SUSD1: variants seen among roughly 807,000 people sequenced by gnomAD.
SUSD1 encodes sushi domain containing 1, also known as sushi domain-containing protein 1.
A neutral mutation model predicts 86.9 loss-of-function variants in SUSD1; 65 were observed. The observed-to-expected ratio is 0.75, with a 90% CI of 0.61 to 0.92. The LOEUF is 0.92. Among genes scored for constraint, SUSD1 ranks in the 40% least tolerant of loss-of-function variants. The pLI is 0.00. For synonymous variants in SUSD1, 346 were observed against 350.0 expected, an observed-to-expected ratio of 0.99 and a Z score of 0.13; for missense variants, 850 against 929.7, an observed-to-expected ratio of 0.91 and a Z score of 1.11.
intron 1 of SUSD1, among the ~76,000 whole-genome samples, chr9:112,170,193 T>C (rs1833979933): frequency 6.6e-6 from 1 of 152,174 alleles, no homozygotes; most frequent in Admixed American, 6.5e-5. Context: ...CCCTTTATTT[T>C]AAGTAACTTT....
chr9:112,079,887 C>T (rs532393359), intron 11 of SUSD1, among the ~76,000 whole-genome samples, 187 bp downstream of exon 11: 3 of 152,330 alleles, frequency 2.0e-5, no homozygotes, highest in Admixed American at 2.0e-4. Context: ...CAAATGTGAG[C>T]CACTGTGCCC....
In SUSD1 at chr9:112,149,175, A is replaced by G. The variant is rs1204764758; in HGVS notation, c.373+69T>C. On this transcript the variant is annotated intron_variant, in intron 3 of 16. Transcript: ENST00000374270. ...AACTAACATTAATTCCCTAATATTA[A>G]CAAATACACAGCCCAGATACTATCC... 3 of 1,568,638 alleles carry G rather than the reference A, an allele frequency of 1.9e-6. No individual in the cohort carries two copies. The East Asian group carries it at 6.8e-5, about 35-fold the overall frequency.
chr9:112,140,573 A>G (rs1832522328), intron 5 of SUSD1, among the ~76,000 whole-genome samples: 1 of 152,136 alleles, frequency 6.6e-6, no homozygotes, highest in Non-Finnish European at 1.5e-5. Flanking sequence ...AAAGAAACAG[A>G]AAGCCAAAAT....
intron 15 of SUSD1, among the ~76,000 whole-genome samples, chr9:112,042,499 ACTTTGAAAGACATACTTT>A (rs1175203045): frequency 1.3e-5 from 2 of 152,222 alleles, no homozygotes; most frequent in Admixed American, 1.3e-4. Flanking sequence ...GGATAAAAGT[ACTTTGAAAGACATACTTT>A]CTATTTGGGG....
At chr9:112,087,207 T>G (rs1830021428) in intron 10 of SUSD1, among the ~76,000 whole-genome samples, 1 of 152,206 alleles carries the variant, frequency 6.6e-6, no homozygotes, top group Non-Finnish European at 1.5e-5. Flanking sequence ...AGTCTCTTTC[T>G]GCTGCCCAGG....
chr9:112,146,338 C>G (rs974601857), intron 3 of SUSD1, among the ~76,000 whole-genome samples: 1 of 152,102 alleles, frequency 6.6e-6, no homozygotes, highest in Non-Finnish European at 1.5e-5. Context: ...GCTAGCACAA[C>G]TTTGTGAATA....
chr9:112,064,534 T>C (rs1828885761), intron 12 of SUSD1, among the ~76,000 whole-genome samples: 1 of 152,080 alleles, frequency 6.6e-6, no homozygotes, highest in Admixed American at 6.5e-5. Context: ...CACTTCCCCA[T>C]AGGTGGGGCA....
At chr9:112,092,648 C>T (rs904049939) in intron 10 of SUSD1, among the ~76,000 whole-genome samples, 1 of 152,090 alleles carries the variant, frequency 6.6e-6, no homozygotes, top group African/African-American at 2.4e-5. Context: ...AACCTATTAT[C>T]GTTTATTTTA....
At chr9:112,063,864 T>C (rs1828845660) in intron 12 of SUSD1, among the ~76,000 whole-genome samples, 1 of 152,096 alleles carries the variant, frequency 6.6e-6, no homozygotes, top group Non-Finnish European at 1.5e-5. Flanking sequence ...TGGATGATGT[T>C]TATAGAAGCA....
intron 10 of SUSD1, among the ~76,000 whole-genome samples, chr9:112,084,093 C>T (rs1315333405): frequency 6.6e-6 from 1 of 152,144 alleles, no homozygotes; most frequent in South Asian, 2.1e-4. Context: ...TTGGCAGCCA[C>T]CTGACTGACT....
chr9:112,131,224 G>A (rs867274411), intron 5 of SUSD1, among the ~76,000 whole-genome samples: 2 of 152,142 alleles, frequency 1.3e-5, no homozygotes, highest in Admixed American at 6.5e-5. Context: ...GTTTCACCAC[G>A]AAGGGCTCCA....
In SUSD1 at chr9:112,058,463, A is replaced by C. The variant is rs557863223; in HGVS notation, c.2074T>G (p.Cys692Gly). The change falls in exon 14 of 17, where the codon TGC becomes GGC. Residue 692 changes from cysteine to glycine, a missense_variant. Transcript: ENST00000374270. The stretch of plus-strand genomic sequence containing the variant: ...TCACTTGTGATTCGTAATATAATGC[A>C]GTAATCACTCCCTCTTTTCAAGGGT... ...NAPLKRGSDY[C>G]IILRITSEWN... 6.2e-7 allele frequency: 1 copy of C among 1,614,154 alleles called. No individual in the cohort carries two copies. Among genetic ancestry groups the C allele is most frequent in the South Asian group, 1.1e-5 (1 of 91,076 alleles).
chr9:112,129,511 C>T (rs1045004946), intron 5 of SUSD1, among the ~76,000 whole-genome samples: 1 of 152,182 alleles, frequency 6.6e-6, no homozygotes, highest in African/African-American at 2.4e-5. Context: ...TGGGGTTTCA[C>T]CATGTTGCCC....
chr9:112,144,260 C>A (rs1361917693), intron 3 of SUSD1, among the ~76,000 whole-genome samples: 1 of 151,426 alleles, frequency 6.6e-6, no homozygotes, highest in Non-Finnish European at 1.5e-5. Flanking sequence ...AAAAGAAAAT[C>A]CAATCACTAA....
chr9:112,160,098 G>C (rs1398045491), intron 1 of SUSD1, among the ~76,000 whole-genome samples: 3 of 152,010 alleles, frequency 2.0e-5, no homozygotes, highest in Non-Finnish European at 4.4e-5. Context: ...AGAAAATGGG[G>C]ATTTAGGGAT....
intron 13 of SUSD1, 129 bp downstream of exon 13, chr9:112,062,808 C>A (rs911316409): frequency 1.3e-5 from 7 of 553,520 alleles, no homozygotes; most frequent in Non-Finnish European, 2.2e-5. Context: ...CAAAAGAGGC[C>A]CCAACTGCAT....
chr9:112,103,786 T>C (rs1283789294), intron 8 of SUSD1, among the ~76,000 whole-genome samples: 1 of 152,102 alleles, frequency 6.6e-6, no homozygotes, highest in Non-Finnish European at 1.5e-5. Flanking sequence ...AGAAAGACCC[T>C]AAGACCTACT....
At chr9:112,134,383 A>G (rs1832167471) in intron 5 of SUSD1, among the ~76,000 whole-genome samples, 1 of 152,258 alleles carries the variant, frequency 6.6e-6, no homozygotes, top group Non-Finnish European at 1.5e-5. Flanking sequence ...CTACACAACC[A>G]TAAAAAATAA....
rs1827717246 is a variant in SUSD1 at position 112,041,129 on chromosome 9, G to A, written c.*363C>T. 2.5e-6 allele frequency: 1 copy of A among 407,996 alleles called. No individual in the cohort carries two copies. The highest frequency in any genetic ancestry group is 2.0e-5 in the African/African-American group (1 of 51,118). 25.3% of individuals were successfully genotyped at this position (407,996 alleles called of 1,614,324 possible). ...AGGAGGTTGCAGAGATTCTCTTGCA[G>A]TCAATGTCTAGAGGAGCTGACCCTC... On this transcript the variant is annotated 3_prime_UTR_variant, in exon 17 of 17. Coordinates refer to ENST00000374270, the MANE Select transcript of SUSD1 (RefSeq NM_022486.5).
Sources: gnomAD v4.1 joint callset for allele counts (sites outside exome capture counted in the v4.1 genomes callset) on GRCh38, gnomAD v4.1.1 for gene constraint, MANE v1.5 for transcripts, NCBI Gene and HGNC (gene_info 2026-07-23, HGNC 2026-07-21) for gene names.